The following ZNF345 variants were observed in gnomAD, a reference collection of about 807,000 sequenced individuals.
The protein encoded by ZNF345 is zinc finger protein 345, also known as zinc finger protein HZF10.
For missense variants in ZNF345, 527 were observed against 589.9 expected (o/e 0.89, Z 1.10); for synonymous variants, 166 against 187.9 (o/e 0.88, Z 0.95).
chr19:36,854,482 C>T (rs1304689599), intron 2 of ZNF345: 1 of 152,172 alleles, frequency 6.6e-6, no homozygotes, highest in Non-Finnish European at 1.5e-5. Flanking sequence ...TGAGCAGAAA[C>T]ATGGCTTGCC....
intron 2 of ZNF345, 57 bp from the exon 3 acceptor site, chr19:36,876,728 G>T (rs1046647854): frequency 3.1e-5 from 37 of 1,197,080 alleles, no homozygotes; most frequent in Middle Eastern, 2.9e-4. Context: ...TATTATAAAC[G>T]TTTAATCTCT....
chr19:36,893,143 T>G (rs1289285450), downstream of ZNF345: 1 of 395,328 alleles, frequency 2.5e-6, no homozygotes, highest in Non-Finnish European at 4.5e-6. Flanking sequence ...CGGGGGCGGG[T>G]GGAGTTCAGT....
At chr19:36,868,839 T>C (rs1227361045) in intron 2 of ZNF345, among the ~76,000 whole-genome samples, 1 of 152,038 alleles carries the variant, frequency 6.6e-6, no homozygotes, top group African/African-American at 2.4e-5. Flanking sequence ...TTGGCCAAGC[T>C]AGTCTCAAAC....
intron 2 of ZNF345, among the ~76,000 whole-genome samples, chr19:36,865,282 C>A (rs1054789053): frequency 3.3e-5 from 5 of 152,110 alleles, no homozygotes; most frequent in African/African-American, 1.2e-4. Flanking sequence ...TAGCCCAGGT[C>A]TGCTTTTGCA....
At chr19:36,854,938 C>T (rs1282190845) in intron 2 of ZNF345, among the ~76,000 whole-genome samples, 2 of 151,160 alleles carry the variant, frequency 1.3e-5, no homozygotes. Flanking sequence ...ACTGTAAGCT[C>T]CACCTCCTGG....
chr19:36,883,504 A>G (rs1203071655), downstream of ZNF345, among the ~76,000 whole-genome samples: 1 of 152,148 alleles, frequency 6.6e-6, no homozygotes, highest in Non-Finnish European at 1.5e-5. Context: ...AATTATTTTT[A>G]TTTAGGTATA....
intron 3 of ZNF345, among the ~76,000 whole-genome samples, chr19:36,884,703 AC>A (rs2072986945): frequency 6.6e-6 from 1 of 152,092 alleles, no homozygotes; most frequent in African/African-American, 2.4e-5. Flanking sequence ...GCCTCAAAGC[AC>A]TCATCATAAA....
chr19:36,866,269 C>T lies in ZNF345; in HGVS notation c.-46-10516C>T, dbSNP rs76932993. On this transcript the variant is annotated intron_variant, in intron 2 of 2. Transcript: ENST00000420450. ...CTGAAATATTTTATATATTCAAATACATAAAATCTTTTTAGGTTAAGTGAT... is the reference window on the plus strand; with the variant it reads ...CTGAAATATTTTATATATTCAAATATATAAAATCTTTTTAGGTTAAGTGAT... 2.6e-3 allele frequency among the ~76,000 whole-genome samples: 396 copies of T among 152,040 alleles called. 1 individual carries two copies. Among genetic ancestry groups the T allele is most frequent in the Non-Finnish European group, 4.4e-3 (300 of 67,980 alleles).
intron 3 of ZNF345, chr19:36,892,597 G>T: frequency 9.9e-7 from 1 of 1,010,302 alleles, no homozygotes; most frequent in Non-Finnish European, 1.4e-6. Flanking sequence ...AAGGTGGAGA[G>T]GCAATCTGTA....
chr19:36,880,681 G>A (rs1382874206), downstream of ZNF345, among the ~76,000 whole-genome samples: 4 of 152,140 alleles, frequency 2.6e-5, no homozygotes, highest in Non-Finnish European at 4.4e-5. Context: ...CAGAGGCTGA[G>A]GTGGGAGGAT....
At position 36,859,159 on chromosome 19, in the gene ZNF345, T is replaced by TG. The variant is rs890735231; in HGVS notation, c.-47+7255_-47+7256insG. On this transcript the variant is annotated intron_variant, in intron 2 of 2. Coordinates refer to ENST00000420450, the MANE Select transcript of ZNF345 (RefSeq NM_001242472.2). Reference sequence around the variant, plus strand: ...TCTTAAACTTTTTTATGGTTTTTTTTTTGTTGTTGTTGACAGCCTGACAGT... The same window carrying TG: ...TCTTAAACTTTTTTATGGTTTTTTTTGTTGTTGTTGTTGACAGCCTGACAGT... 3.3e-5 allele frequency among the ~76,000 whole-genome samples: 5 copies of TG among 152,000 alleles called. No homozygotes were observed. The East Asian group carries it at 7.7e-4, about 23-fold the overall frequency.
Position 36,878,379 on chromosome 19 carries a change from G to T in ZNF345, c.*82G>T. On this transcript the variant is annotated 3_prime_UTR_variant, in exon 3 of 3. Transcript: ENST00000420450. ...GAAAATCTCTACAAATAGAACTAAG[G>T]TACAAATGCCTTACTTATGCTTCAC... 1 of 1,344,090 alleles carries T rather than the reference G, an allele frequency of 7.4e-7. No individual in the cohort carries two copies. The highest frequency in any genetic ancestry group is 1.6e-5 in the South Asian group (1 of 64,402). 83.3% of individuals were successfully genotyped at this position (1,344,090 alleles called of 1,614,324 possible).
At chr19:36,871,982 G>C (rs767388923) in intron 2 of ZNF345, among the ~76,000 whole-genome samples, 3 of 152,050 alleles carry the variant, frequency 2.0e-5, no homozygotes, top group Non-Finnish European at 2.9e-5. Flanking sequence ...GGTCAGGCTG[G>C]TCTCAAATTC....
intron 2 of ZNF345, among the ~76,000 whole-genome samples, chr19:36,855,813 G>C (rs972712885): frequency 6.6e-6 from 1 of 152,098 alleles, no homozygotes; most frequent in Non-Finnish European, 1.5e-5. Context: ...TGCTGTGTGA[G>C]GTAATTTCTG....
In ZNF345 at chr19:36,857,762, T is replaced by C. The variant is rs113637047; in HGVS notation, c.-47+5858T>C. ...ACTTAGAACAAATAATGATTTCATT[T>C]CATTTAAGCTATTCTTTTTTTGTTT... On this transcript the variant is annotated intron_variant, in intron 2 of 2. Transcript: ENST00000420450. 3.6e-3 allele frequency among the ~76,000 whole-genome samples: 547 copies of C among 152,274 alleles called. 4 individuals carry two copies. Among genetic ancestry groups the C allele is most frequent in the African/African-American group, 0.013 (526 of 41,544 alleles).
chr19:36,893,042 T>TGATAC, downstream of ZNF345: 1 of 400,286 alleles, frequency 2.5e-6, no homozygotes. Context: ...GCACAGAGTA[T>TGATAC]GATACTGTAT....
intron 2 of ZNF345, among the ~76,000 whole-genome samples, chr19:36,862,655 C>A (rs1376697231): frequency 2.2e-5 from 3 of 139,502 alleles, no homozygotes; most frequent in Non-Finnish European, 4.6e-5. Context: ...CAGAGTGAGA[C>A]CCAGTCTCAA....
At chr19:36,856,854 A>G in intron 2 of ZNF345, among the ~76,000 whole-genome samples, 1 of 152,050 alleles carries the variant, frequency 6.6e-6, no homozygotes. Context: ...CGTCTCAAAA[A>G]AAAAAAAAAA....
chr19:36,878,351 G>C lies in ZNF345; in HGVS notation c.*54G>C. On this transcript the variant is annotated 3_prime_UTR_variant, in exon 3 of 3. Transcript: ENST00000420450. ...CATATGACTTAAGAAAATTCATAGT[G>C]GTGAAAATCTCTACAAATAGAACTA... 1 of 1,485,482 alleles carries C rather than the reference G, an allele frequency of 6.7e-7. No homozygotes were observed. Among genetic ancestry groups the C allele is most frequent in the Non-Finnish European group, 9.0e-7 (1 of 1,110,208 alleles). The allele number at this position is 1,485,482 out of a possible 1,614,324, so 92.0% of individuals were successfully genotyped here.
Sources: gnomAD v4.1 joint callset for allele counts (sites outside exome capture counted in the v4.1 genomes callset) on GRCh38, gnomAD v4.1.1 for gene constraint, MANE v1.5 for transcripts, NCBI Gene and HGNC (gene_info 2026-07-23, HGNC 2026-07-21) for gene names.